Variants in ARID5B observed in about 807,000 individuals in gnomAD.
The protein encoded by ARID5B is AT-rich interaction domain 5B, also known as AT-rich interactive domain-containing protein 5B.
ARID5B carries 13 observed loss-of-function variants against 97.2 expected under a neutral mutation model. The observed-to-expected ratio is 0.13, with a 90% CI of 0.09 to 0.21. The LOEUF is 0.21. Ranked by LOEUF, ARID5B falls within the 10% of genes least tolerant of loss-of-function variation. The pLI is 1.00. For synonymous variants in ARID5B, 556 were observed against 570.3 expected, an observed-to-expected ratio of 0.97 and a Z score of 0.36; for missense variants, 1,210 against 1,465.3, an observed-to-expected ratio of 0.83 and a Z score of 2.84.
At chr10:62,026,700 A>G (rs1371691772) in intron 4 of ARID5B, among the ~76,000 whole-genome samples, 1 of 152,224 alleles carries the variant, frequency 6.6e-6, no homozygotes, top group Non-Finnish European at 1.5e-5. Context: ...AAGTTGAGTC[A>G]GGGCTTAAAA....
Position 62,057,170 on chromosome 10 carries a change from T to C in ARID5B, c.900T>C (p.Cys300=), listed in dbSNP as rs778573812. The C allele has an allele frequency of 1.9e-6, 3 of 1,610,692 alleles. No homozygotes were observed. The South Asian group carries it at 3.3e-5, about 18-fold the overall frequency. ...CCAAGCCGAAGAATAACCATAACTG[T>C]AAAAAAGTCTCAAATGAAGAAAAAC... ...ALTKPKNNHN[C]KKVSNEEKPK... is the part of the protein sequence containing the mutation. The change falls in exon 6 of 10, where the codon TGT becomes TGC. Residue 300 remains cysteine (C), a synonymous_variant. Transcript: ENST00000279873.
At chr10:62,056,363 C>G (rs1009400241) in intron 5 of ARID5B, among the ~76,000 whole-genome samples, 1 of 152,072 alleles carries the variant, frequency 6.6e-6, no homozygotes, top group Non-Finnish European at 1.5e-5. Context: ...AGCAAGAAGC[C>G]CTCATTAAAC....
intron 4 of ARID5B, among the ~76,000 whole-genome samples, chr10:62,012,341 C>T (rs1839228512): frequency 1.3e-5 from 2 of 152,012 alleles, no homozygotes. Context: ...GGCAACATCC[C>T]TTCTCTACAA....
chr10:61,990,634 A>G (rs1838910802), intron 3 of ARID5B, among the ~76,000 whole-genome samples: 1 of 152,210 alleles, frequency 6.6e-6, no homozygotes, highest in Admixed American at 6.5e-5. Context: ...TCCAGGATAT[A>G]TTCTAGTTGT....
intron 2 of ARID5B, among the ~76,000 whole-genome samples, chr10:61,913,195 T>C (rs1843839535): frequency 6.6e-6 from 1 of 152,208 alleles, no homozygotes; most frequent in African/African-American, 2.4e-5. Flanking sequence ...CAGAGACCTT[T>C]TCCTGGCTGG....
At position 62,091,380 on chromosome 10, in the gene ARID5B, C is replaced by G; in HGVS notation, c.1917C>G (p.His639Gln). 6.2e-7 allele frequency: 1 copy of G among 1,614,090 alleles called. No individual in the cohort carries two copies. Reference protein sequence around the residue: ...KVDQLGSDDIHNALKQTPKVL... With the variant: ...KVDQLGSDDIQNALKQTPKVL... ...ACCAGCTGGGCAGTGACGACATCCACAATGCGCTCAAGCAGACCCCAAAGG... is the reference window on the plus strand; with the variant it reads ...ACCAGCTGGGCAGTGACGACATCCAGAATGCGCTCAAGCAGACCCCAAAGG... The change falls in exon 10 of 10, where the codon CAC (histidine) becomes CAG (glutamine). Residue 639 changes from histidine to glutamine, a missense_variant. His to Gln is a conservative substitution (Grantham distance 24, BLOSUM62 0). Transcript: ENST00000279873.
intron 4 of ARID5B, among the ~76,000 whole-genome samples, chr10:62,050,063 T>C (rs1165573403): frequency 6.6e-6 from 1 of 152,158 alleles, no homozygotes; most frequent in African/African-American, 2.4e-5. Flanking sequence ...AGCAGCCTTT[T>C]CCCCCTACTT....
At position 61,964,364 on chromosome 10, in the gene ARID5B, G is replaced by A. The variant is rs569942116; in HGVS notation, c.502+23956G>A. Among the ~76,000 whole-genome samples, 19 of 152,302 alleles carry A rather than the reference G, an allele frequency of 1.2e-4. 1 individual carries two copies. In the South Asian group the frequency reaches 3.1e-3, roughly 25 times the overall value. On this transcript the variant is annotated intron_variant, in intron 3 of 9. Transcript: ENST00000279873. ...TAAACTGATGAGGCCATTCTAGTGC[G>A]TTCTAGCCCTTGCTGCAGTCCTGGT...
chr10:62,079,172 G>A (rs989103239), intron 8 of ARID5B, among the ~76,000 whole-genome samples: 16 of 152,136 alleles, frequency 1.1e-4, no homozygotes, highest in African/African-American at 3.1e-4. Context: ...TATCTCCTCC[G>A]TGTTGGTATG....
chr10:62,019,307 A>G (rs929955557), intron 4 of ARID5B, among the ~76,000 whole-genome samples: 8 of 152,194 alleles, frequency 5.3e-5, no homozygotes, highest in Admixed American at 6.5e-5. Context: ...TTAAATTGCT[A>G]TTATTTCTCC....
At chr10:61,907,594 T>C (rs1185863363) in intron 2 of ARID5B, among the ~76,000 whole-genome samples, 3 of 151,974 alleles carry the variant, frequency 2.0e-5, no homozygotes, top group African/African-American at 2.4e-5. Flanking sequence ...TTATTATTTA[T>C]TTTTAGTAAT....
chr10:62,076,494 G>A (rs529200356), intron 8 of ARID5B, among the ~76,000 whole-genome samples: 26 of 150,102 alleles, frequency 1.7e-4, no homozygotes, highest in African/African-American at 5.9e-4. Flanking sequence ...ATGGGAAGTG[G>A]AGGGTTGCAG....
chr10:61,939,508 C>T lies in ARID5B; in HGVS notation c.277-675C>T, dbSNP rs140651855. Among the ~76,000 whole-genome samples, 47 of 152,320 alleles carry T rather than the reference C, an allele frequency of 3.1e-4. No homozygotes were observed. In the East Asian group the frequency reaches 8.3e-3, roughly 27 times the overall value. ...CAAAGACTTTTTCCTCACTCACCCT[C>T]TCACCCTCTACCCCATCTGTATTAA... On this transcript the variant is annotated intron_variant, in intron 2 of 9. Coordinates refer to ENST00000279873, the MANE Select transcript of ARID5B (RefSeq NM_032199.3).
At chr10:62,066,204 C>T (rs1364386516) in intron 7 of ARID5B, among the ~76,000 whole-genome samples, 2 of 152,176 alleles carry the variant, frequency 1.3e-5, no homozygotes, top group Non-Finnish European at 1.5e-5. Flanking sequence ...TGTTTCCCTG[C>T]CCTGTTCTCT....
chr10:62,057,394 C>A, intron 6 of ARID5B, 76 bp downstream of exon 6: 1 of 1,422,082 alleles, frequency 7.0e-7, no homozygotes, highest in Non-Finnish European at 9.8e-7. Context: ...AATTTTGACT[C>A]AGGATTATGT....
chr10:62,053,392 C>T (rs185948562), intron 5 of ARID5B, among the ~76,000 whole-genome samples: 121 of 152,270 alleles, frequency 7.9e-4, no homozygotes, highest in African/African-American at 2.7e-3. Context: ...GCCATCAAAA[C>T]GTTGCACTCC....
At chr10:62,061,125 G>T (rs143543641) in intron 7 of ARID5B, among the ~76,000 whole-genome samples, 1 of 152,180 alleles carries the variant, frequency 6.6e-6, no homozygotes, top group Non-Finnish European at 1.5e-5. Flanking sequence ...TAGATGCAAG[G>T]TTTCAGTCAG....
chr10:61,914,005 C>T (rs2132761802), intron 2 of ARID5B, among the ~76,000 whole-genome samples: 1 of 152,330 alleles, frequency 6.6e-6, no homozygotes, highest in South Asian at 2.1e-4. Context: ...CCCGCCTCAG[C>T]CTCCCAAAGT....
intron 4 of ARID5B, among the ~76,000 whole-genome samples, chr10:62,024,509 ATCAAAGGATCATACCTCGGGACTT>A (rs1839395651): frequency 6.6e-6 from 1 of 152,230 alleles, no homozygotes. Flanking sequence ...CAAACCATTC[ATCAAAGGATCATACCTCGGGACTT>A]TATCTCTTTG....
Sources: allele counts gnomAD v4.1 joint callset (sites outside exome capture counted in the v4.1 genomes callset), GRCh38; gene constraint gnomAD v4.1.1; transcripts MANE v1.5; gene names NCBI Gene and HGNC (gene_info 2026-07-23, HGNC 2026-07-21).